B3GAT2: variants seen among roughly 807,000 people sequenced by gnomAD.
B3GAT2 encodes the protein galactosylgalactosylxylosylprotein 3-beta-glucuronosyltransferase 2.
A neutral mutation model predicts 27.8 loss-of-function variants in B3GAT2; 26 were observed. That is an observed-to-expected ratio of 0.93 (90% CI 0.68 to 1.30). The LOEUF (loss-of-function observed/expected upper bound fraction) is 1.30. Ranked by LOEUF, B3GAT2 falls within the 50% of genes most tolerant of loss-of-function variation. The probability of loss-of-function intolerance (pLI) is 0.00; values close to 1 mark genes in which losing one functional copy is unlikely to be tolerated. For synonymous variants in B3GAT2, 218 were observed against 195.1 expected, an observed-to-expected ratio of 1.12 and a Z score of -0.98; for missense variants, 458 against 459.0, an observed-to-expected ratio of 1.00 and a Z score of 0.02.
At chr6:70,937,910 A>G (rs898056988) in intron 1 of B3GAT2, among the ~76,000 whole-genome samples, 5 of 152,038 alleles carry the variant, frequency 3.3e-5, no homozygotes, top group African/African-American at 1.2e-4. Flanking sequence ...CAGGGCAATT[A>G]GGCAGAAGAA....
At chr6:70,953,352 G>C (rs1765604206) in intron 1 of B3GAT2, among the ~76,000 whole-genome samples, 1 of 152,170 alleles carries the variant, frequency 6.6e-6, no homozygotes. Flanking sequence ...TAAACCTACG[G>C]ATTTCCAAAT....
At chr6:70,875,442 T>C (rs988167824) in intron 2 of B3GAT2, among the ~76,000 whole-genome samples, 1 of 152,224 alleles carries the variant, frequency 6.6e-6, no homozygotes, top group Non-Finnish European at 1.5e-5. Context: ...TTTGCTTATT[T>C]ACTATCCCAA....
chr6:70,896,553 T>A (rs1772390271), intron 1 of B3GAT2, among the ~76,000 whole-genome samples: 1 of 152,196 alleles, frequency 6.6e-6, no homozygotes, highest in South Asian at 2.1e-4. Flanking sequence ...CCTTTTTATA[T>A]CACCCATCGC....
chr6:70,908,387 C>T (rs888737988), intron 1 of B3GAT2, among the ~76,000 whole-genome samples: 1 of 152,118 alleles, frequency 6.6e-6, no homozygotes, highest in East Asian at 1.9e-4. Flanking sequence ...AATTTTTCCA[C>T]CCATTAGTAA....
At chr6:70,888,756 C>A (rs1772233492) in intron 2 of B3GAT2, among the ~76,000 whole-genome samples, 2 of 152,118 alleles carry the variant, frequency 1.3e-5, no homozygotes, top group Non-Finnish European at 2.9e-5. Context: ...GCTTGCCCTT[C>A]CCAAGAGCTA....
intron 1 of B3GAT2, among the ~76,000 whole-genome samples, chr6:70,950,055 G>T (rs1370637131): frequency 6.6e-6 from 1 of 151,666 alleles, no homozygotes; most frequent in Non-Finnish European, 1.5e-5. Context: ...GGACTGTTGT[G>T]GGGTGGGGGT....
intron 2 of B3GAT2, among the ~76,000 whole-genome samples, chr6:70,863,349 TC>T (rs1224893504): frequency 6.6e-6 from 1 of 152,186 alleles, no homozygotes; most frequent in Admixed American, 6.5e-5. Flanking sequence ...AGTCTCCTGT[TC>T]CAGACCCTGC....
chr6:70,942,930 G>C (rs1225148433), intron 1 of B3GAT2, among the ~76,000 whole-genome samples: 1 of 152,156 alleles, frequency 6.6e-6, no homozygotes, highest in African/African-American at 2.4e-5. Flanking sequence ...GCTTTCACTA[G>C]AGATGCAGGT....
chr6:70,926,607 G>T (rs146587327), intron 1 of B3GAT2, among the ~76,000 whole-genome samples: 12,267 of 152,200 alleles, frequency 0.081, 591 homozygotes, highest in Non-Finnish European at 0.11. Flanking sequence ...GAAATGAAGT[G>T]AGAAGAGAAG....
chr6:70,870,146 A>G (rs939356063), intron 2 of B3GAT2, among the ~76,000 whole-genome samples: 2 of 151,640 alleles, frequency 1.3e-5, no homozygotes, highest in Non-Finnish European at 2.9e-5. Flanking sequence ...CAACCCAAAT[A>G]TCCAACAACG....
intron 2 of B3GAT2, among the ~76,000 whole-genome samples, chr6:70,891,950 C>T (rs981537298): frequency 6.6e-6 from 1 of 152,076 alleles, no homozygotes; most frequent in Non-Finnish European, 1.5e-5. Context: ...GAATAACTAT[C>T]CTATCGACCA....
At chr6:70,948,227 C>A (rs1286243871) in intron 1 of B3GAT2, among the ~76,000 whole-genome samples, 2 of 146,402 alleles carry the variant, frequency 1.4e-5, no homozygotes, top group East Asian at 4.0e-4. Flanking sequence ...GAAGTTCTGG[C>A]CAGGGTAATT....
In B3GAT2 at chr6:70,956,154, C is replaced by A. The variant is rs369211351; in HGVS notation, c.276G>T (p.Pro92=). The change falls in exon 1 of 4, where the codon CCG becomes CCT. Residue 92 remains proline (P), a synonymous_variant. Transcript: ENST00000230053. ...IYAITPTYSR[P]VQKAELTRLA... is the part of the protein sequence containing the mutation. ...GGCGGGTCAGCTCCGCTTTCTGCAC[C>A]GGGCGGCTGTAGGTGGGCGTGATGG... 6.2e-7 allele frequency: 1 copy of A among 1,607,070 alleles called. No individual in the cohort carries two copies. The highest frequency in any genetic ancestry group is 1.3e-5 in the African/African-American group (1 of 74,734).
chr6:70,871,763 T>A (rs1008142993), intron 2 of B3GAT2, among the ~76,000 whole-genome samples: 1 of 151,958 alleles, frequency 6.6e-6, no homozygotes, highest in Admixed American at 6.6e-5. Flanking sequence ...TACTCTTCTT[T>A]TTCTGTTTTT....
At chr6:70,919,031 C>T (rs1772823361) in intron 1 of B3GAT2, among the ~76,000 whole-genome samples, 1 of 152,168 alleles carries the variant, frequency 6.6e-6, no homozygotes, top group Admixed American at 6.5e-5. Context: ...TTCAGGTACA[C>T]CAATCAAACG....
chr6:70,861,121 A>G lies in B3GAT2; in HGVS notation c.*542T>C, dbSNP rs1351182653. On this transcript the variant is annotated 3_prime_UTR_variant, in exon 4 of 4. Transcript: ENST00000230053. ...ATTGTGTTTACATTTTATGGTGCCT[A>G]GTATTGACAAAATGTTATTTCCCTA... 2 of 169,332 alleles carry G rather than the reference A, an allele frequency of 1.2e-5. No individual in the cohort carries two copies. The highest frequency in any genetic ancestry group is 2.5e-5 in the Non-Finnish European group (2 of 79,408). The allele number at this position is 169,332 out of a possible 1,614,324, so 10.5% of individuals were successfully genotyped here.
At chr6:70,875,509 T>C (rs2150025058) in intron 2 of B3GAT2, among the ~76,000 whole-genome samples, 1 of 152,370 alleles carries the variant, frequency 6.6e-6, no homozygotes, top group African/African-American at 2.4e-5. Context: ...TAAGACTGAA[T>C]GCTCATATGT....
At chr6:70,897,207 G>A (rs1772401645) in intron 1 of B3GAT2, among the ~76,000 whole-genome samples, 1 of 150,980 alleles carries the variant, frequency 6.6e-6, no homozygotes, top group Non-Finnish European at 1.5e-5. Context: ...CAAAAAGTCA[G>A]TTCAAATCTT....
intron 2 of B3GAT2, among the ~76,000 whole-genome samples, chr6:70,884,743 C>G (rs1265351502): frequency 6.6e-6 from 1 of 152,208 alleles, no homozygotes; most frequent in Non-Finnish European, 1.5e-5. Context: ...CATTGCATAT[C>G]CTAGGCTGGA....
Sources: allele counts gnomAD v4.1 joint callset (sites outside exome capture counted in the v4.1 genomes callset), GRCh38; gene constraint gnomAD v4.1.1; transcripts MANE v1.5; gene names NCBI Gene and HGNC (gene_info 2026-07-23, HGNC 2026-07-21).